Variants in RP1 observed in about 807,000 individuals in gnomAD.
The protein encoded by RP1 is RP1 axonemal microtubule associated, also known as oxygen-regulated protein 1.
Under a neutral mutation model 14.8 loss-of-function variants are expected in RP1, and 16 were observed. The ratio of observed to expected loss-of-function variants is 1.08; its 90% CI spans 0.73 to 1.65. RP1 has a LOEUF of 1.65. RP1 is among the 40% of genes most tolerant of loss of function. RP1 has a pLI of 0.00. For missense variants in RP1, 2,631 were observed against 2,535.0 expected, an observed-to-expected ratio of 1.04 and a Z score of -0.81; for synonymous variants, 876 against 883.6, an observed-to-expected ratio of 0.99 and a Z score of 0.15.
chr8:54,622,546 C>G (rs1805909870), intron 3 of RP1, among the ~76,000 whole-genome samples: 2 of 151,848 alleles, frequency 1.3e-5, no homozygotes, highest in Admixed American at 1.3e-4. Flanking sequence ...CATAAAATAC[C>G]TAGTTAAAAA....
intron 17 of RP1, among the ~76,000 whole-genome samples, chr8:54,727,557 T>A (rs1194208637): frequency 2.6e-5 from 4 of 152,268 alleles, no homozygotes; most frequent in Non-Finnish European, 5.9e-5. Context: ...AAATATTTTT[T>A]AAATGTTACC....
intron 1 of RP1, among the ~76,000 whole-genome samples, chr8:54,597,096 C>A (rs1310158444): frequency 6.6e-6 from 1 of 152,140 alleles, no homozygotes; most frequent in Non-Finnish European, 1.5e-5. Flanking sequence ...AGAACTAAAA[C>A]TCCTTAGCCC....
chr8:54,821,042 T>C (rs1030784754), intron 24 of RP1, among the ~76,000 whole-genome samples: 10 of 151,878 alleles, frequency 6.6e-5, no homozygotes, highest in African/African-American at 2.4e-4. Context: ...CAGACGAGTA[T>C]AGAATAGCAC....
At chr8:54,859,860 A>G (rs1439648901) in intron 27 of RP1, among the ~76,000 whole-genome samples, 1 of 152,200 alleles carries the variant, frequency 6.6e-6, no homozygotes, top group Non-Finnish European at 1.5e-5. Flanking sequence ...TCAGAGCTGT[A>G]GACTTTGGCA....
At chr8:54,747,714 A>C (rs1809262199) in intron 19 of RP1, among the ~76,000 whole-genome samples, 1 of 152,236 alleles carries the variant, frequency 6.6e-6, no homozygotes. Flanking sequence ...CAGCCTGGGC[A>C]ACATGGGAAG....
In RP1 at chr8:54,621,141, T is replaced by A; in HGVS notation, c.175T>A (p.Ser59Thr). Residue 59 changes from serine to threonine, a missense_variant, in exon 2 of 4, where the codon TCC becomes ACC. Transcript: ENST00000220676. ...GGVRVVVNPR[S>T]FKSFDALLDN... ...GGTCAGGGTGGTGGTCAACCCTCGC[T>A]CCTTTAAGTCCTTTGATGCTCTGCT... The A allele has an allele frequency of 6.2e-7, 1 of 1,614,132 alleles. No homozygotes were observed. Among genetic ancestry groups the A allele is most frequent in the South Asian group, 1.1e-5 (1 of 91,084 alleles).
At chr8:54,805,158 C>A (rs1290192915) in intron 24 of RP1, among the ~76,000 whole-genome samples, 1 of 152,170 alleles carries the variant, frequency 6.6e-6, no homozygotes, top group African/African-American at 2.4e-5. Context: ...TGCTTTAGAT[C>A]ATCCTGGACA....
chr8:54,788,434 G>C (rs552008188), intron 24 of RP1, among the ~76,000 whole-genome samples: 5 of 151,944 alleles, frequency 3.3e-5, no homozygotes, highest in African/African-American at 1.2e-4. Context: ...CCTCCTTCTT[G>C]TCCTCTTCCT....
At chr8:54,611,320 A>C (rs78305304), upstream of RP1, among the ~76,000 whole-genome samples, 1 of 152,102 alleles carries the variant, frequency 6.6e-6, no homozygotes, top group South Asian at 2.1e-4. Flanking sequence ...TGGAACTCCC[A>C]TAATGTGTAT....
At chr8:54,648,593 C>T (rs1278076382) in intron 3 of RP1, among the ~76,000 whole-genome samples, 4 of 151,896 alleles carry the variant, frequency 2.6e-5, no homozygotes, top group Non-Finnish European at 4.4e-5. Context: ...CAAAAAATAT[C>T]CTAAAAGGCA....
intron 14 of RP1, among the ~76,000 whole-genome samples, chr8:54,704,431 C>T (rs765383648): frequency 2.0e-5 from 3 of 152,076 alleles, no homozygotes; most frequent in Non-Finnish European, 2.9e-5. Context: ...TAGTTTATGT[C>T]CCCCTAAAAT....
intron 12 of RP1, among the ~76,000 whole-genome samples, chr8:54,688,622 T>C (rs1237423876): frequency 1.3e-5 from 2 of 152,190 alleles, no homozygotes; most frequent in Non-Finnish European, 2.9e-5. Flanking sequence ...CAGATGGTTG[T>C]AGATGTGTGG....
intron 25 of RP1, among the ~76,000 whole-genome samples, chr8:54,847,192 C>T (rs1051062931): frequency 1.3e-5 from 2 of 151,922 alleles, no homozygotes; most frequent in African/African-American, 2.4e-5. Flanking sequence ...CTCCAGCACT[C>T]TTGTAAAAAA....
At chr8:54,816,610 C>T (rs540006924) in intron 24 of RP1, among the ~76,000 whole-genome samples, 2 of 152,332 alleles carry the variant, frequency 1.3e-5, no homozygotes, top group African/African-American at 4.8e-5. Flanking sequence ...ATCAGGGTCA[C>T]CACCTTCTCT....
intron 25 of RP1, among the ~76,000 whole-genome samples, chr8:54,842,951 G>A (rs1373011935): frequency 6.6e-6 from 1 of 152,084 alleles, no homozygotes; most frequent in Non-Finnish European, 1.5e-5. Context: ...CTGATCCAAG[G>A]GACGTTTCCA....
chr8:54,583,910 G>T (rs1804855818), intron 1 of RP1, among the ~76,000 whole-genome samples: 1 of 151,900 alleles, frequency 6.6e-6, no homozygotes, highest in Non-Finnish European at 1.5e-5. Context: ...TACTAGTCTT[G>T]CTAGTGGTCT....
At chr8:54,754,709 T>C (rs1585663970) in intron 19 of RP1, 1 of 1,292,278 alleles carries the variant, frequency 7.7e-7, no homozygotes, top group East Asian at 2.7e-5. Context: ...GAGTATGCAG[T>C]ACACTTTTGA....
chr8:54,661,409 G>A (rs1030118357), intron 6 of RP1, among the ~76,000 whole-genome samples: 6 of 151,062 alleles, frequency 4.0e-5, no homozygotes, highest in Admixed American at 1.3e-4. Flanking sequence ...AGTCTGGGAG[G>A]TTGAGGATGC....
At chr8:54,717,728 G>T (rs998567143) in intron 15 of RP1, among the ~76,000 whole-genome samples, 1 of 152,042 alleles carries the variant, frequency 6.6e-6, no homozygotes, top group African/African-American at 2.4e-5. Context: ...TATTATATAG[G>T]AAGTCTTAGC....
Sources: gnomAD v4.1 joint callset for allele counts (sites outside exome capture counted in the v4.1 genomes callset) on GRCh38, gnomAD v4.1.1 for gene constraint, MANE v1.5 for transcripts, NCBI Gene and HGNC (gene_info 2026-07-23, HGNC 2026-07-21) for gene names.